The following CACNA1D variants were observed in gnomAD, a reference collection of about 807,000 sequenced individuals.
CACNA1D encodes voltage-dependent L-type calcium channel subunit alpha-1D.
Under a neutral mutation model 257.1 loss-of-function variants are expected in CACNA1D, and 55 were observed. The ratio of observed to expected loss-of-function variants is 0.21; its 90% CI spans 0.17 to 0.27. The LOEUF (loss-of-function observed/expected upper bound fraction) is 0.27. Ranked by LOEUF, CACNA1D falls within the 10% of genes least tolerant of loss-of-function variation. The pLI is 1.00. For missense variants in CACNA1D, 1,876 were observed against 2,784.0 expected (o/e 0.67, Z 7.34); for synonymous variants, 980 against 1,014.9 (o/e 0.97, Z 0.65).
chr3:53,549,543 G>T (rs1210271231), intron 3 of CACNA1D, among the ~76,000 whole-genome samples: 1 of 152,126 alleles, frequency 6.6e-6, no homozygotes, highest in African/African-American at 2.4e-5. Flanking sequence ...TCTAGTTGGG[G>T]ACATTCTAGA....
chr3:53,801,577 G>C, intron 42 of CACNA1D, 152 bp downstream of exon 42: 1 of 971,816 alleles, frequency 1.0e-6, no homozygotes, highest in Non-Finnish European at 1.6e-6. Flanking sequence ...GTGCCCCCCA[G>C]GTCACTGCTG....
At chr3:53,693,222 C>T (rs577082484) in intron 8 of CACNA1D, among the ~76,000 whole-genome samples, 1 of 152,136 alleles carries the variant, frequency 6.6e-6, no homozygotes, top group African/African-American at 2.4e-5. Context: ...CAGCTGTCTT[C>T]CCCCCACAGA....
intron 3 of CACNA1D, among the ~76,000 whole-genome samples, chr3:53,561,900 A>G (rs2092747542): frequency 1.3e-5 from 2 of 152,136 alleles, no homozygotes; most frequent in African/African-American, 2.4e-5. Context: ...TCCCTTTTAC[A>G]TTGCATGTCT....
chr3:53,633,264 G>A (rs2093842813), intron 3 of CACNA1D, among the ~76,000 whole-genome samples: 2 of 152,208 alleles, frequency 1.3e-5, no homozygotes, highest in Admixed American at 6.5e-5. Flanking sequence ...AGGCTAAGGT[G>A]GGCAGATTGC....
In CACNA1D at chr3:53,776,734, G is replaced by C. The variant is rs772546195; in HGVS notation, c.4490+4G>C. The C allele has an allele frequency of 1.9e-6, 3 of 1,614,082 alleles. No individual in the cohort carries two copies. The Admixed American group carries it at 5.0e-5, about 27-fold the overall frequency. On this transcript the variant is annotated splice_donor_region_variant and intron_variant, in intron 36 of 47. Coordinates refer to ENST00000350061, the MANE Select transcript of CACNA1D (RefSeq NM_001128840.3). ...CAGAATATGACCCTGAGGCAAAGTAGGTTGAAAAATATTTGATTTGGCGTG... is the reference window on the plus strand; with the variant it reads ...CAGAATATGACCCTGAGGCAAAGTACGTTGAAAAATATTTGATTTGGCGTG...
At position 53,800,062 on chromosome 3, in the gene CACNA1D, C is replaced by A. The variant is rs2095528463; in HGVS notation, c.4924-187C>A. On this transcript the variant is annotated intron_variant, in intron 40 of 47. Transcript: ENST00000350061. This position sits in a 1 kb window ranked among gnomAD's most constrained non-coding sequence, Gnocchi z 4.3. The stretch of plus-strand genomic sequence containing the variant: ...GGCATCCTACCTAGGACCTTCTTGA[C>A]CCTCTGGATGCCTGACCATACCAAC... 1 of 696,052 alleles carries A rather than the reference C, an allele frequency of 1.4e-6. No individual in the cohort carries two copies. Among genetic ancestry groups the A allele is most frequent in the Non-Finnish European group, 2.6e-6 (1 of 383,784 alleles). The allele number at this position is 696,052 out of a possible 1,614,324, so 43.1% of individuals were successfully genotyped here. A position where few individuals can be genotyped will look rare whatever the true frequency, so the allele number is the denominator to read the frequency against.
At chr3:53,499,553 G>A (rs2107102900) in intron 2 of CACNA1D, among the ~76,000 whole-genome samples, 1 of 152,182 alleles carries the variant, frequency 6.6e-6, no homozygotes, top group Middle Eastern at 3.4e-3. Context: ...CTATTGCTCT[G>A]TTCTGCTTCA....
At chr3:53,682,365 T>TAAAAAAAAAAAAAAACAAAA in intron 8 of CACNA1D, among the ~76,000 whole-genome samples, 1 of 47,386 alleles carries the variant, frequency 2.1e-5, no homozygotes, top group Non-Finnish European at 3.7e-5. Context: ...TTGTCTCTGG[T>TAAAAAAAAAAAAAAACAAAA]AAAAAAAAAA....
Position 53,730,444 on chromosome 3 carries a change from A to G in CACNA1D, c.2224A>G (p.Ile742Val), listed in dbSNP as rs747501903. The stretch of plus-strand genomic sequence containing the variant: ...TGCCCTTAAAAAGTTGAAATTAGAT[A>G]TTCTACTGAATGTCTTCTTGGCCAT... ...FIILFICGNY[I>V]LLNVFLAIAV... Residue 742 changes from isoleucine to valine, a missense_variant and splice_region_variant, in exon 16 of 48, where the codon ATT (isoleucine) becomes GTT (valine). Transcript: ENST00000350061. 6.2e-7 allele frequency: 1 copy of G among 1,605,904 alleles called. No individual in the cohort carries two copies. The highest frequency in any genetic ancestry group is 2.2e-5 in the East Asian group (1 of 44,848).
chr3:53,674,205 C>T (rs772031211), intron 8 of CACNA1D, among the ~76,000 whole-genome samples: 1 of 152,190 alleles, frequency 6.6e-6, no homozygotes, highest in African/African-American at 2.4e-5. Flanking sequence ...AGTACATAAC[C>T]TGGCCCCTTT....
At chr3:53,522,384 C>G (rs1575747230) in intron 3 of CACNA1D, among the ~76,000 whole-genome samples, 1 of 152,310 alleles carries the variant, frequency 6.6e-6, no homozygotes, top group East Asian at 1.9e-4. Flanking sequence ...AGCAAGCCCC[C>G]TACCCAGACT....
At chr3:53,596,847 T>G (rs2093377260) in intron 3 of CACNA1D, among the ~76,000 whole-genome samples, 1 of 152,238 alleles carries the variant, frequency 6.6e-6, no homozygotes, top group Non-Finnish European at 1.5e-5. Context: ...TATAGTAACT[T>G]GTTATAGAAG....
chr3:53,778,798 C>T (rs529923883), intron 37 of CACNA1D, among the ~76,000 whole-genome samples: 2 of 152,314 alleles, frequency 1.3e-5, no homozygotes, highest in South Asian at 4.1e-4. Context: ...AGCATGGATC[C>T]TGCTCTGAAA....
chr3:53,525,302 C>T lies in CACNA1D; in HGVS notation c.483+23582C>T, dbSNP rs147028096. On this transcript the variant is annotated intron_variant, in intron 3 of 47. Transcript: ENST00000350061. Reference sequence around the variant, plus strand: ...GCAGTAGAAGTAAAAATCCTGGTATCGTAAATGAGCACAATCCCTGTAATA... The same window carrying T: ...GCAGTAGAAGTAAAAATCCTGGTATTGTAAATGAGCACAATCCCTGTAATA... Among the ~76,000 whole-genome samples the T allele has an allele frequency of 3.5e-4, 54 of 152,214 alleles. No homozygotes were observed. The East Asian group carries it at 3.9e-3, about 11-fold the overall frequency.
rs182391639 is a variant in CACNA1D at position 53,543,853 on chromosome 3, G to A, written c.483+42133G>A. On this transcript the variant is annotated intron_variant, in intron 3 of 47. Transcript: ENST00000350061. ...AACTTTTTCTTGTTGGGGGAGAGGG[G>A]CAATGGAATTTTTAACATTTTCATT... 2.6e-5 allele frequency among the ~76,000 whole-genome samples: 4 copies of A among 152,238 alleles called. No individual in the cohort carries two copies. The East Asian group carries it at 7.7e-4, about 29-fold the overall frequency.
chr3:53,523,885 C>T (rs979673974), intron 3 of CACNA1D, among the ~76,000 whole-genome samples: 1 of 152,204 alleles, frequency 6.6e-6, no homozygotes, highest in Admixed American at 6.5e-5. Context: ...TTGAGGTCAG[C>T]CTCCTCCACC....
intron 3 of CACNA1D, among the ~76,000 whole-genome samples, chr3:53,620,147 G>A (rs73086283): frequency 0.058 from 8,807 of 152,276 alleles, 323 homozygotes; most frequent in Middle Eastern, 0.078. Context: ...GCTCTCAGGG[G>A]TGCGACAGAG....
chr3:53,770,156 C>T (rs2095358322), intron 31 of CACNA1D, 139 bp downstream of exon 31: 2 of 808,948 alleles, frequency 2.5e-6, no homozygotes, highest in African/African-American at 3.4e-5. Context: ...CATTCATCAT[C>T]AGTGTCCAGT....
chr3:53,510,691 C>T (rs2091069334), intron 3 of CACNA1D, among the ~76,000 whole-genome samples: 1 of 152,192 alleles, frequency 6.6e-6, no homozygotes, highest in Non-Finnish European at 1.5e-5. Flanking sequence ...CTCACTGCCT[C>T]AGCAGTCATT....
Sources: allele counts gnomAD v4.1 joint callset (sites outside exome capture counted in the v4.1 genomes callset), GRCh38; gene constraint gnomAD v4.1.1; non-coding constraint Gnocchi (gnomAD v3.1); transcripts MANE v1.5; gene names NCBI Gene and HGNC (gene_info 2026-07-23, HGNC 2026-07-21).